HMBOX1: variants seen among roughly 807,000 people sequenced by gnomAD.
HMBOX1 encodes the protein homeobox-containing protein 1.
Under a neutral mutation model 54.5 loss-of-function variants are expected in HMBOX1, and 14 were observed. That is an observed-to-expected ratio of 0.26 (90% confidence interval 0.17 to 0.40). The LOEUF (loss-of-function observed/expected upper bound fraction) is 0.40. Ranked by LOEUF, HMBOX1 falls within the 10% of genes least tolerant of loss-of-function variation. The pLI, the probability that HMBOX1 is intolerant of heterozygous loss-of-function variation, is 1.00. For missense variants in HMBOX1, 332 were observed against 514.4 expected, an observed-to-expected ratio of 0.65 and a Z score of 3.43; for synonymous variants, 160 against 181.0, an observed-to-expected ratio of 0.88 and a Z score of 0.93.
At chr8:28,957,055 G>C (rs1223361822) in intron 1 of HMBOX1, among the ~76,000 whole-genome samples, 1 of 152,170 alleles carries the variant, frequency 6.6e-6, no homozygotes, top group Non-Finnish European at 1.5e-5. Flanking sequence ...AATGGCCTGG[G>C]CGTGGAGGGT....
At chr8:28,934,972 G>A (rs967180874) in intron 1 of HMBOX1, among the ~76,000 whole-genome samples, 66 of 151,402 alleles carry the variant, frequency 4.4e-4, no homozygotes, top group African/African-American at 1.5e-3. Context: ...TCTGTACACC[G>A]TTATATTAGA....
chr8:28,970,065 T>G lies in HMBOX1; in HGVS notation c.46T>G (p.Tyr16Asp). 6.2e-7 allele frequency: 1 copy of G among 1,612,290 alleles called. No individual in the cohort carries two copies. The highest frequency in any genetic ancestry group is 8.5e-7 in the Non-Finnish European group (1 of 1,178,440). Reference sequence around the variant, plus strand: ...TAGTTTGCTGGAAACCATGTCTCATTATACAGATGAACCCAGATTTACCAT... The same window carrying G: ...TAGTTTGCTGGAAACCATGTCTCATGATACAGATGAACCCAGATTTACCAT... ...PVVLLETMSHYTDEPRFTIEQ... is the reference protein window; with the variant it reads ...PVVLLETMSHDTDEPRFTIEQ... The change falls in exon 3 of 10, where the codon TAT (tyrosine) becomes GAT (aspartate). Residue 16 changes from tyrosine (Y) to aspartate (D), a missense_variant. By Grantham distance (160) the Tyr-to-Asp change is radical. This residue lies in a region of HMBOX1 where 146 missense variants were observed against 173.3 expected (regional missense o/e 0.84). Transcript: ENST00000287701. This position sits in a 1 kb window ranked among gnomAD's most constrained non-coding sequence, Gnocchi z 4.3.
intron 4 of HMBOX1, among the ~76,000 whole-genome samples, chr8:29,001,865 G>A (rs1832724102): frequency 6.6e-6 from 1 of 152,190 alleles, no homozygotes; most frequent in South Asian, 2.1e-4. Flanking sequence ...TGAGTGTACA[G>A]CTGTGGCAAC....
chr8:29,009,358 A>T (rs1833905778), intron 5 of HMBOX1, 176 bp downstream of exon 5: 1 of 714,998 alleles, frequency 1.4e-6, no homozygotes, highest in South Asian at 6.4e-5. Flanking sequence ...AATAAATTTT[A>T]TTTTATTGTC....
upstream of HMBOX1, chr8:28,890,147 C>T (rs1043364776): frequency 1.6e-5 from 8 of 515,680 alleles, no homozygotes; most frequent in Middle Eastern, 5.4e-4. Context: ...AATGCATCCT[C>T]CCTCTCCACC....
intron 1 of HMBOX1, among the ~76,000 whole-genome samples, chr8:28,926,460 C>T (rs1818526797): frequency 6.6e-6 from 1 of 152,158 alleles, no homozygotes. Flanking sequence ...ATGCTTCTAA[C>T]AACCTCATGA....
intron 5 of HMBOX1, 130 bp from the exon 6 acceptor site, chr8:29,018,630 C>A: frequency 2.3e-6 from 2 of 852,480 alleles, no homozygotes; most frequent in East Asian, 2.7e-5. Context: ...AGAAATTTTT[C>A]AGAGAAAGAT....
intron 1 of HMBOX1, among the ~76,000 whole-genome samples, chr8:28,927,399 A>G (rs1202663102): frequency 6.6e-6 from 1 of 152,176 alleles, no homozygotes; most frequent in African/African-American, 2.4e-5. Context: ...TATTTGGTTC[A>G]TGGTTCTGCA....
intron 1 of HMBOX1, among the ~76,000 whole-genome samples, chr8:28,929,501 G>C (rs910625159): frequency 6.6e-6 from 1 of 152,192 alleles, no homozygotes; most frequent in Non-Finnish European, 1.5e-5. Flanking sequence ...ATGTTAAATT[G>C]ACAGGACTTT....
chr8:28,890,367 C>A (rs1316298158), upstream of HMBOX1: 3 of 168,522 alleles, frequency 1.8e-5, no homozygotes, highest in Non-Finnish European at 3.9e-5. Flanking sequence ...CCCAGGGACG[C>A]CCGGCGGCAG....
intron 1 of HMBOX1, among the ~76,000 whole-genome samples, chr8:28,955,259 C>G (rs1003899790): frequency 2.0e-5 from 3 of 150,786 alleles, no homozygotes; most frequent in Non-Finnish European, 4.4e-5. Flanking sequence ...TTCCTTCATT[C>G]CTTGGCTTCT....
At chr8:29,014,865 A>C (rs1369212481) in intron 5 of HMBOX1, among the ~76,000 whole-genome samples, 1 of 152,126 alleles carries the variant, frequency 6.6e-6, no homozygotes, top group African/African-American at 2.4e-5. Context: ...TTTTTAGTAC[A>C]GACAGGGTTT....
intron 5 of HMBOX1, among the ~76,000 whole-genome samples, chr8:29,014,555 TGAAAAA>T (rs1586487927): frequency 6.6e-6 from 1 of 152,172 alleles, no homozygotes; most frequent in Admixed American, 6.5e-5. Flanking sequence ...ACTGCTACAT[TGAAAAA>T]GAAAAAGGAG....
chr8:28,898,616 C>T (rs1199867750), intron 1 of HMBOX1, among the ~76,000 whole-genome samples: 1 of 152,202 alleles, frequency 6.6e-6, no homozygotes, highest in Non-Finnish European at 1.5e-5. Context: ...CATCTCCTTC[C>T]ATGTCTGCTT....
chr8:28,969,530 A>G (rs920837754), intron 2 of HMBOX1, among the ~76,000 whole-genome samples: 5 of 122,964 alleles, frequency 4.1e-5, no homozygotes, highest in African/African-American at 1.3e-4. Flanking sequence ...ATTTGCTTGG[A>G]CTTAGCTTAG....
chr8:28,966,073 T>G (rs1563484458), intron 2 of HMBOX1, among the ~76,000 whole-genome samples: 1 of 152,216 alleles, frequency 6.6e-6, no homozygotes, highest in Non-Finnish European at 1.5e-5. Context: ...AGTAAGATAG[T>G]AATGTCCTTT....
intron 4 of HMBOX1, among the ~76,000 whole-genome samples, chr8:29,001,698 T>C (rs1306611113): frequency 2.6e-5 from 4 of 152,220 alleles, no homozygotes; most frequent in African/African-American, 9.6e-5. Context: ...ATTTATCACA[T>C]GCGTCTGTAT....
Position 29,051,131 on chromosome 8 carries a change from G to C in HMBOX1, c.1239G>C (p.Lys413Asn). Residue 413 changes from lysine (K) to asparagine (N), a missense_variant, in exon 10 of 10, where the codon AAG (lysine) becomes AAC (asparagine). This residue lies in a region of HMBOX1 where 69 missense variants were observed against 104.6 expected (regional missense o/e 0.66). Transcript: ENST00000287701. ...ALARQGANEI[K>N]TEALDDD ...CCCGACAAGGAGCCAACGAAATCAA[G>C]ACAGAGGCCCTGGATGATGACTGAT... 6.2e-7 allele frequency: 1 copy of C among 1,613,902 alleles called. No individual in the cohort carries two copies. Among genetic ancestry groups the C allele is most frequent in the Non-Finnish European group, 8.5e-7 (1 of 1,180,018 alleles).
At chr8:28,897,540 G>A (rs565021757) in intron 1 of HMBOX1, among the ~76,000 whole-genome samples, 11 of 152,216 alleles carry the variant, frequency 7.2e-5, no homozygotes, top group Admixed American at 4.6e-4. Flanking sequence ...GCCGGGCGTG[G>A]TGGCACACAC....
Sources: allele counts gnomAD v4.1 joint callset (sites outside exome capture counted in the v4.1 genomes callset), GRCh38; gene constraint gnomAD v4.1.1; regional missense constraint gnomAD v4.1.1; non-coding constraint Gnocchi (gnomAD v3.1); transcripts MANE v1.5; gene names NCBI Gene and HGNC (gene_info 2026-07-23, HGNC 2026-07-21).